The following PKDREJ variants were observed in gnomAD, a reference collection of about 807,000 sequenced individuals.
The protein encoded by PKDREJ is PKD and REJ homolog.
For synonymous variants in PKDREJ, 1,031 were observed against 1,095.5 expected (o/e 0.94, Z 1.16); for missense variants, 2,507 against 2,807.2 (o/e 0.89, Z 2.42).
Position 46,260,897 on chromosome 22 carries a change from C to G in PKDREJ, c.2426G>C (p.Gly809Ala). Residue 809 changes from glycine (G) to alanine (A), a missense_variant, in exon 1 of 1, where the codon GGA (glycine) becomes GCA (alanine). Coordinates refer to ENST00000253255, the MANE Select transcript of PKDREJ (RefSeq NM_006071.2). The surrounding 1 kb of genome is among the most constrained non-coding windows in gnomAD (Gnocchi z 4.5). ...AATATTAGACAAACTCATTAGTATT[C>G]CAGTACTCACGATTTCTATTTGTTC... ...RSEQIEIVST[G>A]ILMSLSNILK... 1 of 1,613,790 alleles carries G rather than the reference C, an allele frequency of 6.2e-7. No homozygotes were observed. Among genetic ancestry groups the G allele is most frequent in the Non-Finnish European group, 8.5e-7 (1 of 1,179,656 alleles).
Position 46,262,609 on chromosome 22 carries a change from C to T in PKDREJ, c.714G>A (p.Glu238=), listed in dbSNP as rs1257946628. 3.1e-6 allele frequency: 5 copies of T among 1,612,838 alleles called. No individual in the cohort carries two copies. In the South Asian group the frequency reaches 5.5e-5, roughly 18 times the overall value. ...GCTGCACCGAGGCGTTGATGGTGGC[C>T]TCCGCCTGCATGCTCAGGCGCACGG... The part of the protein sequence containing the change: ...GAPVRLSMQA[E]ATINASVQLD... Residue 238 remains glutamate, a synonymous_variant, in exon 1 of 1, where the codon GAG becomes GAA. Transcript: ENST00000253255. The surrounding 1 kb of genome is among the most constrained non-coding windows in gnomAD (Gnocchi z 8.1).
rs1443576436 is a variant in PKDREJ at position 46,258,241 on chromosome 22, G to C, written c.5082C>G (p.Ile1694Met). ...TCCTCTTCTTTCTTTTGAATATTCTGATTTCATCTTCTGTAAGGGGTTGGT... is the reference window on the plus strand; with the variant it reads ...TCCTCTTCTTTCTTTTGAATATTCTCATTTCATCTTCTGTAAGGGGTTGGT... ...RMYQPLTEDEIRIFKRKKRIK... is the reference protein window; with the variant it reads ...RMYQPLTEDEMRIFKRKKRIK... The change falls in exon 1 of 1, where the codon ATC (isoleucine) becomes ATG (methionine). Residue 1694 changes from isoleucine to methionine, a missense_variant. Coordinates refer to ENST00000253255, the MANE Select transcript of PKDREJ (RefSeq NM_006071.2). The surrounding 1 kb of genome is among the most constrained non-coding windows in gnomAD (Gnocchi z 6.1). The C allele has an allele frequency of 6.2e-7, 1 of 1,614,114 alleles. No individual in the cohort carries two copies. Among genetic ancestry groups the C allele is most frequent in the South Asian group, 1.1e-5 (1 of 91,074 alleles).
Position 46,257,122 on chromosome 22 carries a change from C to T in PKDREJ, c.6201G>A (p.Arg2067=). Residue 2067 remains arginine, a synonymous_variant, in exon 1 of 1, where the codon AGG becomes AGA. Transcript: ENST00000253255. The surrounding 1 kb of genome is among the most constrained non-coding windows in gnomAD (Gnocchi z 4.7). ...LLFLTILKTL[R]YSRFFYDVRL... ...GCACATCGTAGAAGAATCTGGAATA[C>T]CTGAGGGTCTTCAAAATTGTCAGAA... The T allele has an allele frequency of 6.2e-7, 1 of 1,613,920 alleles. No homozygotes were observed. The highest frequency in any genetic ancestry group is 8.5e-7 in the Non-Finnish European group (1 of 1,180,036).
chr22:46,258,593 A>G lies in PKDREJ; in HGVS notation c.4730T>C (p.Val1577Ala), dbSNP rs1339632868. The G allele has an allele frequency of 6.2e-7, 1 of 1,614,086 alleles. No homozygotes were observed. Among genetic ancestry groups the G allele is most frequent in the Non-Finnish European group, 8.5e-7 (1 of 1,180,036 alleles). Reference protein sequence around the residue: ...KPRIVLPWWCVYVAWFLVFAT... With the variant: ...KPRIVLPWWCAYVAWFLVFAT... ...AAAAACCAAAAACCATGCAACATAA[A>G]CACACCACCAAGGTAGGACGATCCG... The change falls in exon 1 of 1, where the codon GTT (valine) becomes GCT (alanine). Residue 1577 changes from valine to alanine, a missense_variant. Transcript: ENST00000253255. This position sits in a 1 kb window ranked among gnomAD's most constrained non-coding sequence, Gnocchi z 6.1.
At position 46,262,772 on chromosome 22, in the gene PKDREJ, G is replaced by A; in HGVS notation, c.551C>T (p.Pro184Leu). The A allele has an allele frequency of 6.4e-7, 1 of 1,568,310 alleles. No homozygotes were observed. Among genetic ancestry groups the A allele is most frequent in the Non-Finnish European group, 8.6e-7 (1 of 1,158,294 alleles). The change falls in exon 1 of 1, where the codon CCC becomes CTC. Residue 184 changes from proline (P) to leucine (L), a missense_variant. Coordinates refer to ENST00000253255, the MANE Select transcript of PKDREJ (RefSeq NM_006071.2). The surrounding 1 kb of genome is among the most constrained non-coding windows in gnomAD (Gnocchi z 8.1). ...QQGFVARTEC[P>L]TDGPARVMLQ... ...CATCACGCGCGCGGGGCCGTCTGTG[G>A]GGCACTCGGTGCGGGCCACGAAGCC... is the stretch of plus-strand genomic sequence containing the variant.
chr22:46,256,529 C>G lies in PKDREJ; in HGVS notation c.*32G>C. The G allele has an allele frequency of 6.3e-7, 1 of 1,581,502 alleles. No homozygotes were observed. Among genetic ancestry groups the G allele is most frequent in the Non-Finnish European group, 8.6e-7 (1 of 1,166,880 alleles). On this transcript the variant is annotated 3_prime_UTR_variant, in exon 1 of 1. Coordinates refer to ENST00000253255, the MANE Select transcript of PKDREJ (RefSeq NM_006071.2). The surrounding 1 kb of genome is among the most constrained non-coding windows in gnomAD (Gnocchi z 5.3). ...CCCACAGACTCAGCAGTTGGGGGAA[C>G]GCTTGCTTGTGACTCATGAAACCAT... is the stretch of plus-strand genomic sequence containing the variant.
In PKDREJ at chr22:46,259,276, A is replaced by T. The variant is rs764497062; in HGVS notation, c.4047T>A (p.Asp1349Glu). 5 of 1,614,108 alleles carry T rather than the reference A, an allele frequency of 3.1e-6. No individual in the cohort carries two copies. In the African/African-American group the frequency reaches 6.7e-5, roughly 22 times the overall value. The change falls in exon 1 of 1, where the codon GAT becomes GAA. Residue 1349 changes from aspartate (D) to glutamate (E), a missense_variant. By Grantham distance (45) the Asp-to-Glu change is conservative. Transcript: ENST00000253255. This position sits in a 1 kb window ranked among gnomAD's most constrained non-coding sequence, Gnocchi z 6.8. Reference sequence around the variant, plus strand: ...AAAAGTCTTTTCTAGTCAGACGCTCATCTGGATGGGTAACGTGAAATGTTC... The same window carrying T: ...AAAAGTCTTTTCTAGTCAGACGCTCTTCTGGATGGGTAACGTGAAATGTTC... ...LDRTFHVTHP[D>E]ERLTRKDFFF...
rs1196732776 is a variant in PKDREJ at position 46,258,448 on chromosome 22, C to T, written c.4875G>A (p.Val1625=). 1.2e-6 allele frequency: 2 copies of T among 1,614,086 alleles called. No individual in the cohort carries two copies. Among genetic ancestry groups the T allele is most frequent in the Non-Finnish European group, 1.7e-6 (2 of 1,180,034 alleles). The part of the protein sequence containing the change: ...FCSFCQSVLL[V]QPSKIILLSG... ...ACAGGAGTATAATTTTAGATGGCTGCACCAGAAGAACTGACTGACAGAATG... is the reference window on the plus strand; with the variant it reads ...ACAGGAGTATAATTTTAGATGGCTGTACCAGAAGAACTGACTGACAGAATG... Residue 1625 remains valine (V), a synonymous_variant, in exon 1 of 1, where the codon GTG becomes GTA. Transcript: ENST00000253255. The surrounding 1 kb of genome is among the most constrained non-coding windows in gnomAD (Gnocchi z 6.1).
In PKDREJ at chr22:46,258,332, C is replaced by T. The variant is rs752787500; in HGVS notation, c.4991G>A (p.Arg1664His). ...CCTCTGCATTTCTTCTGGATGCATACGCATTCCATCCAACCTGATCTCAGT... is the reference window on the plus strand; with the variant it reads ...CCTCTGCATTTCTTCTGGATGCATATGCATTCCATCCAACCTGATCTCAGT... ...KYTEIRLDGM[R>H]MHPEEMQRIH... is the part of the protein sequence containing the mutation. The change falls in exon 1 of 1, where the codon CGT becomes CAT. Residue 1664 changes from arginine (R) to histidine (H), a missense_variant. Arg to His is a conservative substitution (Grantham distance 29). Transcript: ENST00000253255. This position sits in a 1 kb window ranked among gnomAD's most constrained non-coding sequence, Gnocchi z 6.1. The T allele has an allele frequency of 8.1e-6, 13 of 1,614,052 alleles. No homozygotes were observed. Among genetic ancestry groups the T allele is most frequent in the Middle Eastern group, 1.7e-4 (1 of 6,060 alleles).
In PKDREJ at chr22:46,259,973, C is replaced by T. The variant is rs1398641143; in HGVS notation, c.3350G>A (p.Gly1117Asp). 1 of 1,614,164 alleles carries T rather than the reference C, an allele frequency of 6.2e-7. No individual in the cohort carries two copies. Among genetic ancestry groups the T allele is most frequent in the African/African-American group, 1.3e-5 (1 of 75,040 alleles). The part of the protein sequence containing the change: ...MYGIQSEWRE[G>D]YCILGEKTSW... ...GGTCTTCTCACCAAGAATGCAATAA[C>T]CCTCTCTCCATTCACTCTGGATCCC... The change falls in exon 1 of 1, where the codon GGT becomes GAT. Residue 1117 changes from glycine to aspartate, a missense_variant. By Grantham distance (94) the Gly-to-Asp change is moderately conservative. Coordinates refer to ENST00000253255, the MANE Select transcript of PKDREJ (RefSeq NM_006071.2). This position sits in a 1 kb window ranked among gnomAD's most constrained non-coding sequence, Gnocchi z 6.8.
At position 46,256,664 on chromosome 22, in the gene PKDREJ, A is replaced by G. The variant is rs370791238; in HGVS notation, c.6659T>C (p.Phe2220Ser). ...TGGCTGCCCATACAGCATGTCAATA[A>G]AGAACTCAGGCTCATCTTTGGCCTT... ...QSKAKDEPEF[F>S]IDMLYGQPEK... Residue 2220 changes from phenylalanine (F) to serine (S), a missense_variant, in exon 1 of 1, where the codon TTT becomes TCT. Transcript: ENST00000253255. The surrounding 1 kb of genome is among the most constrained non-coding windows in gnomAD (Gnocchi z 5.3). 47 of 1,614,086 alleles carry G rather than the reference A, an allele frequency of 2.9e-5. No individual in the cohort carries two copies. Among genetic ancestry groups the G allele is most frequent in the Non-Finnish European group, 3.9e-5 (46 of 1,180,054 alleles).
In PKDREJ at chr22:46,262,994, A is replaced by AGCGCGG. The variant is rs1936717014; in HGVS notation, c.323_328dup (p.Pro108_Ala109dup). The AGCGCGG allele has an allele frequency of 2.1e-5, 25 of 1,210,902 alleles. No homozygotes were observed. Among genetic ancestry groups the AGCGCGG allele is most frequent in the Non-Finnish European group, 2.5e-5 (24 of 970,908 alleles). The allele number at this position is 1,210,902 out of a possible 1,614,324, so 75.0% of individuals were successfully genotyped here. A position where few individuals can be genotyped will look rare whatever the true frequency, so the allele number is the denominator to read the frequency against. ...GGAGAGCTGCAGGTCGACGAGCGCG[A>AGCGCGG]GCGCGGGCGCGGCCGGCCAGGGCAG... is the stretch of plus-strand genomic sequence containing the variant. On this transcript the variant is annotated inframe_insertion, in exon 1 of 1. Transcript: ENST00000253255. This position sits in a 1 kb window ranked among gnomAD's most constrained non-coding sequence, Gnocchi z 8.1.
Position 46,257,082 on chromosome 22 carries a change from C to G in PKDREJ, c.6241G>C (p.Ala2081Pro). 1 of 1,613,930 alleles carries G rather than the reference C, an allele frequency of 6.2e-7. No homozygotes were observed. Among genetic ancestry groups the G allele is most frequent in the Non-Finnish European group, 8.5e-7 (1 of 1,179,998 alleles). ...ATGCCAGGGAGGGCAGCCTGGATGG[C>G]CCTCTGAGCCAGGCGCACATCGTAG... ...FFYDVRLAQR[A>P]IQAALPGICH... is the part of the protein sequence containing the mutation. Residue 2081 changes from alanine to proline, a missense_variant, in exon 1 of 1, where the codon GCC (alanine) becomes CCC (proline). By Grantham distance (27) the Ala-to-Pro change is conservative. Transcript: ENST00000253255. The surrounding 1 kb of genome is among the most constrained non-coding windows in gnomAD (Gnocchi z 4.7).
rs200150409 is a variant in PKDREJ at position 46,257,198 on chromosome 22, G to A, written c.6125C>T (p.Ala2042Val). 5.6e-6 allele frequency: 9 copies of A among 1,613,988 alleles called. No homozygotes were observed. The African/African-American group carries it at 6.7e-5, about 12-fold the overall frequency. The stretch of plus-strand genomic sequence containing the variant: ...CATAATGTGATCTACCTGAGAAACT[G>A]CATGAAAGGGAATGAAGTCTTCTGG... ...SNPEDFIPFHAVSQVDHIMRI... is the reference protein window; with the variant it reads ...SNPEDFIPFHVVSQVDHIMRI... The change falls in exon 1 of 1, where the codon GCA becomes GTA. Residue 2042 changes from alanine to valine, a missense_variant. By Grantham distance (64) the Ala-to-Val change is moderately conservative. Transcript: ENST00000253255. The surrounding 1 kb of genome is among the most constrained non-coding windows in gnomAD (Gnocchi z 4.7).
At position 46,260,586 on chromosome 22, in the gene PKDREJ, C is replaced by T; in HGVS notation, c.2737G>A (p.Asp913Asn). Residue 913 changes from aspartate to asparagine, a missense_variant, in exon 1 of 1, where the codon GAC (aspartate) becomes AAC (asparagine). Asp to Asn is a conservative substitution (Grantham distance 23). Transcript: ENST00000253255. The surrounding 1 kb of genome is among the most constrained non-coding windows in gnomAD (Gnocchi z 4.5). ...TGATCATTTAACCAAGGAAAGAGGT[C>T]ATTTGTGAAATCACAAAACATTGTA... Reference protein sequence around the residue: ...ISTMFCDFTNDLFPWLNDQEN... With the variant: ...ISTMFCDFTNNLFPWLNDQEN... The T allele has an allele frequency of 6.2e-7, 1 of 1,614,150 alleles. No individual in the cohort carries two copies. The highest frequency in any genetic ancestry group is 8.5e-7 in the Non-Finnish European group (1 of 1,180,038).
At position 46,260,908 on chromosome 22, in the gene PKDREJ, G is replaced by A. The variant is rs6519994; in HGVS notation, c.2415C>T (p.Ile805=). The stretch of plus-strand genomic sequence containing the variant: ...AACTCATTAGTATTCCAGTACTCAC[G>A]ATTTCTATTTGTTCAGATCGAAAGC... The part of the protein sequence containing the change: ...DKRFRSEQIE[I]VSTGILMSLS... The change falls in exon 1 of 1, where the codon ATC becomes ATT. Residue 805 remains isoleucine, a synonymous_variant. Coordinates refer to ENST00000253255, the MANE Select transcript of PKDREJ (RefSeq NM_006071.2). This position sits in a 1 kb window ranked among gnomAD's most constrained non-coding sequence, Gnocchi z 4.5. The A allele has an allele frequency of 0.16, 255,314 of 1,613,440 alleles. 28,009 individuals carry two copies. The highest frequency in any genetic ancestry group is 0.57 in the African/African-American group (42,649 of 74,940).
rs1488853464 is a variant in PKDREJ at position 46,263,234 on chromosome 22, G to A, written c.89C>T (p.Ala30Val). 2.1e-6 allele frequency: 3 copies of A among 1,459,582 alleles called. No homozygotes were observed. Among genetic ancestry groups the A allele is most frequent in the Admixed American group, 2.5e-5 (1 of 39,792 alleles). 90.4% of individuals were successfully genotyped at this position (1,459,582 alleles called of 1,614,324 possible). ...GGGCGCCCCGGAGACGGCGGCTTGT[G>A]CCCCGCGAGGAACCGGCGGCAGCGG... ...RLPLPPVPRG[A>V]QAAVSGAPGG... The change falls in exon 1 of 1, where the codon GCA becomes GTA. Residue 30 changes from alanine to valine, a missense_variant. Physicochemically the swap from Ala to Val is moderately conservative, Grantham distance 64. Coordinates refer to ENST00000253255, the MANE Select transcript of PKDREJ (RefSeq NM_006071.2). This position sits in a 1 kb window ranked among gnomAD's most constrained non-coding sequence, Gnocchi z 9.4.
rs1445871175 is a variant in PKDREJ, at chr22:46,261,100, A to C, written c.2223T>G (p.Ser741=). 1 of 1,614,204 alleles carries C rather than the reference A, an allele frequency of 6.2e-7. No individual in the cohort carries two copies. The highest frequency in any genetic ancestry group is 1.6e-4 in the Middle Eastern group (1 of 6,062). Residue 741 remains serine (S), a synonymous_variant, in exon 1 of 1, where the codon TCT becomes TCG. Transcript: ENST00000253255. This position sits in a 1 kb window ranked among gnomAD's most constrained non-coding sequence, Gnocchi z 7.1. ...VNLRKHLIDQ[S]FLLPVSTLVE... The stretch of plus-strand genomic sequence containing the variant: ...CCAAAGTGCTTACAGGAAGAAGGAA[A>C]GACTGATCGATGAGGTGTTTTCGGA...
Position 46,262,968 on chromosome 22 carries a change from C to T in PKDREJ, c.355G>A (p.Ala119Thr). ...GTCAGGGAGAGGCGGCCGCCGCGCG[C>T]GGAGAGCTGCAGGTCGACGAGCGCG... Reference protein sequence around the residue: ...ALALVDLQLSARGGRLSLTWS... With the variant: ...ALALVDLQLSTRGGRLSLTWS... Residue 119 changes from alanine to threonine, a missense_variant, in exon 1 of 1, where the codon GCG (alanine) becomes ACG (threonine). Transcript: ENST00000253255. The surrounding 1 kb of genome is among the most constrained non-coding windows in gnomAD (Gnocchi z 8.1). The T allele has an allele frequency of 1.7e-6, 2 of 1,157,312 alleles. No individual in the cohort carries two copies. Among genetic ancestry groups the T allele is most frequent in the Non-Finnish European group, 1.1e-6 (1 of 943,956 alleles). 71.7% of individuals were successfully genotyped at this position (1,157,312 alleles called of 1,614,324 possible). A position where few individuals can be genotyped will look rare whatever the true frequency, so the allele number is the denominator to read the frequency against.
Sources: allele counts gnomAD v4.1 joint callset, GRCh38; gene constraint gnomAD v4.1.1; non-coding constraint Gnocchi (gnomAD v3.1); transcripts MANE v1.5; gene names NCBI Gene and HGNC (gene_info 2026-07-23, HGNC 2026-07-21).